GBF1: variants seen among roughly 807,000 people sequenced by gnomAD.
GBF1 encodes the protein golgi brefeldin A resistant guanine nucleotide exchange factor 1, also known as Golgi-specific brefeldin A-resistance guanine nucleotide exchange factor 1.
A neutral mutation model predicts 210.5 loss-of-function variants in GBF1; 114 were observed. That is an observed-to-expected ratio of 0.54 (90% confidence interval 0.47 to 0.63). The LOEUF (loss-of-function observed/expected upper bound fraction) is 0.63. Among genes scored for constraint, GBF1 ranks in the 30% least tolerant of loss-of-function variants. GBF1 has a pLI of 0.00. For missense variants in GBF1, 1,851 were observed against 2,357.7 expected (o/e 0.79, Z 4.45); for synonymous variants, 850 against 889.2 (o/e 0.96, Z 0.78).
At chr10:102,362,057 T>C (rs1020044244) in intron 14 of GBF1, 145 bp downstream of exon 14, 7,045 of 422,180 alleles carry the variant, frequency 0.017, 92 homozygotes, top group Non-Finnish European at 0.022. Context: ...TTTCTTTTTT[T>C]TTTTTTTTTT....
intron 3 of GBF1, among the ~76,000 whole-genome samples, chr10:102,263,981 T>G (rs1179744496): frequency 6.6e-6 from 1 of 152,098 alleles, no homozygotes; most frequent in Non-Finnish European, 1.5e-5. Flanking sequence ...AAAACAGATG[T>G]GTGGTTACCA....
intron 3 of GBF1, among the ~76,000 whole-genome samples, chr10:102,263,674 G>A (rs1246444199): frequency 1.3e-5 from 2 of 152,106 alleles, no homozygotes; most frequent in African/African-American, 4.8e-5. Context: ...GGTTGGCTAA[G>A]TCCATACTAG....
chr10:102,345,273 C>T lies in GBF1; in HGVS notation c.295+1091C>T, dbSNP rs1226009967. 2.3e-5 allele frequency among the ~76,000 whole-genome samples: 3 copies of T among 132,492 alleles called. 1 individual carries two copies. Among genetic ancestry groups the T allele is most frequent in the African/African-American group, 5.5e-5 (2 of 36,162 alleles). The allele number at this position is 132,492 out of a possible 152,430, so 86.9% of individuals were successfully genotyped here. On this transcript the variant is annotated intron_variant, in intron 4 of 39. Coordinates refer to ENST00000369983, the MANE Select transcript of GBF1 (RefSeq NM_001377137.1). Reference sequence around the variant, plus strand: ...CTCTAACCTGAGCAACAGAGCGAGACTCTGTCTCAAAAAAAAAAAAAAAAG... The same window carrying T: ...CTCTAACCTGAGCAACAGAGCGAGATTCTGTCTCAAAAAAAAAAAAAAAAG...
At chr10:102,242,523 G>A (rs762247482), upstream of GBF1, among the ~76,000 whole-genome samples, 17 of 152,184 alleles carry the variant, frequency 1.1e-4, no homozygotes, top group Non-Finnish European at 2.2e-4. Context: ...AGATGACCAA[G>A]GAACATCCTG....
chr10:102,245,354 C>G (rs956851415), upstream of GBF1, among the ~76,000 whole-genome samples: 1 of 152,188 alleles, frequency 6.6e-6, no homozygotes, highest in Non-Finnish European at 1.5e-5. Flanking sequence ...TTGGTTGTCC[C>G]CTAACATACC....
Position 102,369,929 on chromosome 10 carries a change from G to T in GBF1, c.3284G>T (p.Arg1095Leu). ...TLSGPEQSSVRGPSTENQEAK... is the reference protein window; with the variant it reads ...TLSGPEQSSVLGPSTENQEAK... ...AGTGGTCCTGAGCAGTCTAGTGTTC[G>T]GGGCCCATCCACTGAAAACCAAGAG... Residue 1095 changes from arginine to leucine, a missense_variant, in exon 26 of 40, where the codon CGG becomes CTG. Around this residue, in one of 3 missense-constraint regions of GBF1, gnomAD observed 967 missense variants for 1,247.7 expected, o/e 0.78. Transcript: ENST00000369983. 6.2e-7 allele frequency: 1 copy of T among 1,614,060 alleles called. No homozygotes were observed. Among genetic ancestry groups the T allele is most frequent in the Non-Finnish European group, 8.5e-7 (1 of 1,179,948 alleles).
At chr10:102,279,275 A>G (rs1036253039) in intron 3 of GBF1, among the ~76,000 whole-genome samples, 1 of 152,246 alleles carries the variant, frequency 6.6e-6, no homozygotes, top group African/African-American at 2.4e-5. Context: ...TAGAATGGCC[A>G]CATCACCCAG....
the GBF1 span, chr10:102,231,817 C>G: frequency 1.9e-6 from 3 of 1,592,510 alleles, no homozygotes; most frequent in African/African-American, 2.7e-5. Flanking sequence ...GGGCAGGTCA[C>G]AGAGCGCCCA....
chr10:102,378,358 C>T (rs2060634863), intron 33 of GBF1, among the ~76,000 whole-genome samples: 1 of 152,124 alleles, frequency 6.6e-6, no homozygotes, highest in South Asian at 2.1e-4. Flanking sequence ...TACAGTGGCT[C>T]ACACCTGTAA....
chr10:102,242,886 G>A (rs576673640), upstream of GBF1, among the ~76,000 whole-genome samples: 2 of 143,486 alleles, frequency 1.4e-5, no homozygotes, highest in South Asian at 2.2e-4. Flanking sequence ...CTGAGATCGC[G>A]CCACTGCACT....
Position 102,258,956 on chromosome 10 carries a change from T to G in GBF1, c.18T>G (p.Ile6Met), listed in dbSNP as rs769773325. 6.3e-7 allele frequency: 1 copy of G among 1,599,480 alleles called. No individual in the cohort carries two copies. Among genetic ancestry groups the G allele is most frequent in the Non-Finnish European group, 8.6e-7 (1 of 1,166,652 alleles). MVDKNIYIIQGEINIV... is the reference protein window; with the variant it reads MVDKNMYIIQGEINIV... ...TTGCCAAGATGGTGGATAAGAATAT[T>G]TACATCATTCAAGGGGAGATTAACA... is the stretch of plus-strand genomic sequence containing the variant. Residue 6 changes from isoleucine to methionine, a missense_variant, in exon 2 of 40, where the codon ATT becomes ATG. Around this residue, in one of 3 missense-constraint regions of GBF1, gnomAD observed 804 missense variants for 958.6 expected, o/e 0.84. Coordinates refer to ENST00000369983, the MANE Select transcript of GBF1 (RefSeq NM_001377137.1).
At chr10:102,313,828 T>G (rs1234266367) in intron 3 of GBF1, among the ~76,000 whole-genome samples, 3 of 152,184 alleles carry the variant, frequency 2.0e-5, no homozygotes, top group Non-Finnish European at 2.9e-5. Flanking sequence ...TCTGTGTATC[T>G]GTATTAATGC....
chr10:102,233,742 G>A, the GBF1 span, among the ~76,000 whole-genome samples: 1 of 152,202 alleles, frequency 6.6e-6, no homozygotes. Flanking sequence ...ACCAGTGACT[G>A]CTCCACTCAT....
chr10:102,357,208 T>C (rs2134944282), intron 8 of GBF1, among the ~76,000 whole-genome samples: 1 of 152,138 alleles, frequency 6.6e-6, no homozygotes, highest in East Asian at 1.9e-4. Flanking sequence ...ATATGTTAGC[T>C]GGGTGCAGTG....
At chr10:102,231,771 A>G in the GBF1 span, 10 of 1,604,670 alleles carry the variant, frequency 6.2e-6, no homozygotes, top group Non-Finnish European at 8.5e-6. Context: ...CGGGCAGCGA[A>G]GCCGAGGCCT....
upstream of GBF1, among the ~76,000 whole-genome samples, chr10:102,244,169 CAA>C (rs1380535368): frequency 6.6e-6 from 1 of 151,842 alleles, no homozygotes; most frequent in Non-Finnish European, 1.5e-5. Flanking sequence ...CAAAACAAAA[CAA>C]AAAAATAGCG....
At chr10:102,266,372 G>A (rs555322927) in intron 3 of GBF1, among the ~76,000 whole-genome samples, 1 of 152,260 alleles carries the variant, frequency 6.6e-6, no homozygotes, top group African/African-American at 2.4e-5. Context: ...AGCTTATTGA[G>A]TTGCTTCTAA....
chr10:102,301,446 C>A (rs1318026417), intron 3 of GBF1, among the ~76,000 whole-genome samples: 1 of 152,218 alleles, frequency 6.6e-6, no homozygotes, highest in Non-Finnish European at 1.5e-5. Context: ...CTTTTCTATT[C>A]GACAAAACCG....
Position 102,344,061 on chromosome 10 carries a change from A to G in GBF1, c.174A>G (p.Glu58=). Residue 58 remains glutamate, a synonymous_variant, in exon 4 of 40, where the codon GAA becomes GAG. Transcript: ENST00000369983. ...EVLNSITELS[E]IEPNVFLRPF... is the part of the protein sequence containing the mutation. ...TGTATTTTCTTGCAGAACTCTCAGA[A>G]ATTGAGCCCAATGTATTCCTTCGAC... 6.2e-7 allele frequency: 1 copy of G among 1,612,772 alleles called. No homozygotes were observed. Among genetic ancestry groups the G allele is most frequent in the Non-Finnish European group, 8.5e-7 (1 of 1,178,772 alleles).
Sources: allele counts gnomAD v4.1 joint callset (sites outside exome capture counted in the v4.1 genomes callset), GRCh38; gene constraint gnomAD v4.1.1; regional missense constraint gnomAD v4.1.1; transcripts MANE v1.5; gene names NCBI Gene and HGNC (gene_info 2026-07-23, HGNC 2026-07-21).